Variants in TNIK observed in about 807,000 individuals in gnomAD.
TNIK encodes TRAF2 and NCK-interacting protein kinase.
A neutral mutation model predicts 191.3 loss-of-function variants in TNIK; 49 were observed. The ratio of observed to expected loss-of-function variants is 0.26; its 90% CI spans 0.20 to 0.32. The LOEUF (loss-of-function observed/expected upper bound fraction) is 0.32, where lower values mean the gene tolerates loss of function less well. TNIK is among the 10% of genes least tolerant of loss of function. TNIK has a pLI of 1.00. For missense variants in TNIK, 1,155 were observed against 1,702.3 expected (o/e 0.68, Z 5.66); for synonymous variants, 594 against 600.9 (o/e 0.99, Z 0.17).
Position 171,366,434 on chromosome 3 carries a change from T to C in TNIK, c.123+3186A>G, listed in dbSNP as rs1715729513. On this transcript the variant is annotated intron_variant, in intron 2 of 32. Coordinates refer to ENST00000436636, the MANE Select transcript of TNIK (RefSeq NM_015028.4). The surrounding 1 kb of genome is among the most constrained non-coding windows in gnomAD (Gnocchi z 4.1). ...ATGGCTTTTATATAAAATATTTATA[T>C]TTCTATATCTAGATGTACCTGACTC... 6.6e-6 allele frequency among the ~76,000 whole-genome samples: 1 copy of C among 152,140 alleles called. No homozygotes were observed. The highest frequency in any genetic ancestry group is 2.4e-5 in the African/African-American group (1 of 41,442).
At chr3:171,128,253 T>TAC (rs1728749450) in intron 16 of TNIK, among the ~76,000 whole-genome samples, 1 of 152,216 alleles carries the variant, frequency 6.6e-6, no homozygotes, top group Non-Finnish European at 1.5e-5. Context: ...TCCAGTGATT[T>TAC]ACACTTTGAG....
At chr3:171,452,962 C>G (rs1447860608) in intron 1 of TNIK, among the ~76,000 whole-genome samples, 1 of 152,092 alleles carries the variant, frequency 6.6e-6, no homozygotes, top group East Asian at 1.9e-4. Flanking sequence ...TGGAATTGTA[C>G]TCTACATAAA....
At chr3:171,145,445 T>C (rs542430273) in intron 12 of TNIK, among the ~76,000 whole-genome samples, 2 of 152,188 alleles carry the variant, frequency 1.3e-5, no homozygotes, top group South Asian at 2.1e-4. Context: ...AGTGGTGGGA[T>C]TGCTGGATCT....
chr3:171,170,036 A>G (rs1019345389), intron 9 of TNIK, among the ~76,000 whole-genome samples: 3 of 152,240 alleles, frequency 2.0e-5, no homozygotes, highest in East Asian at 1.9e-4. Flanking sequence ...GAGTGAAAAC[A>G]CTTCACCTAT....
At chr3:171,161,202 G>C in intron 11 of TNIK, 68 bp downstream of exon 11, 1 of 1,519,090 alleles carries the variant, frequency 6.6e-7, no homozygotes, top group Non-Finnish European at 9.0e-7. Flanking sequence ...AAATCAAAAG[G>C]AAAGTGAATT....
chr3:171,302,716 AG>A (rs1349620627), intron 2 of TNIK, among the ~76,000 whole-genome samples: 1 of 152,254 alleles, frequency 6.6e-6, no homozygotes, highest in Non-Finnish European at 1.5e-5. Context: ...ATAATGTTTT[AG>A]TATCTAAAGA....
Position 171,140,385 on chromosome 3 carries a change from G to C in TNIK, c.1332+14C>G. The stretch of plus-strand genomic sequence containing the variant: ...CCGGGGGGCCATCAGTGGGGCTCCT[G>C]GTCCCAGCTGTACCTGTTCATGCTC... On this transcript the variant is annotated intron_variant, in intron 13 of 32. Coordinates refer to ENST00000436636, the MANE Select transcript of TNIK (RefSeq NM_015028.4). 1.3e-6 allele frequency: 2 copies of C among 1,539,366 alleles called. No homozygotes were observed. Among genetic ancestry groups the C allele is most frequent in the Non-Finnish European group, 1.7e-6 (2 of 1,144,054 alleles).
chr3:171,351,267 A>ATGTGTGTGTG (rs1161906508), intron 2 of TNIK, among the ~76,000 whole-genome samples: 1 of 45,886 alleles, frequency 2.2e-5, no homozygotes, highest in South Asian at 1.0e-3. Context: ...ATATATATGT[A>ATGTGTGTGTG]TATATGTGTG....
At position 171,128,862 on chromosome 3, in the gene TNIK, C is replaced by T. The variant is rs1378270696; in HGVS notation, c.1625G>A (p.Arg542Lys). 7.1e-6 allele frequency: 11 copies of T among 1,542,576 alleles called. No homozygotes were observed. Among genetic ancestry groups the T allele is most frequent in the Admixed American group, 4.0e-5 (2 of 49,424 alleles). The change falls in exon 16 of 33, where the codon AGG (arginine) becomes AAG (lysine). Residue 542 changes from arginine (R) to lysine (K), a missense_variant. Arg to Lys is a conservative substitution (Grantham distance 26). Around this residue, in one of 3 missense-constraint regions of TNIK, gnomAD observed 735 missense variants for 848.0 expected, o/e 0.87. Coordinates refer to ENST00000436636, the MANE Select transcript of TNIK (RefSeq NM_015028.4). ...AWAKEVEERS[R>K]LNRQSSPAMP... ...GGCAGGGGAACTTTGCCGGTTGAGC[C>T]TTGACCGTTCTTCTACCTACAACCC...
At chr3:171,327,303 A>T (rs1755876404) in intron 2 of TNIK, among the ~76,000 whole-genome samples, 1 of 152,202 alleles carries the variant, frequency 6.6e-6, no homozygotes, top group Admixed American at 6.5e-5. Flanking sequence ...CAGGCAGTGC[A>T]CTATGGGTTA....
At chr3:171,365,472 G>A (rs747777940) in intron 2 of TNIK, among the ~76,000 whole-genome samples, 8 of 151,936 alleles carry the variant, frequency 5.3e-5, no homozygotes, top group Non-Finnish European at 1.0e-4. Context: ...GTGAGCCACC[G>A]CGCCCGGCCC....
intron 1 of TNIK, among the ~76,000 whole-genome samples, chr3:171,394,930 G>C (rs1182063506): frequency 3.3e-5 from 5 of 152,122 alleles, no homozygotes; most frequent in Non-Finnish European, 7.4e-5. Context: ...AGGGGGAGGA[G>C]AGAACATGTC....
At chr3:171,113,299 G>T (rs543166027) in intron 18 of TNIK, among the ~76,000 whole-genome samples, 6 of 152,092 alleles carry the variant, frequency 3.9e-5, no homozygotes, top group African/African-American at 1.4e-4. Flanking sequence ...ACGATTTTTG[G>T]ATAATTATTA....
intron 17 of TNIK, among the ~76,000 whole-genome samples, chr3:171,125,157 T>A (rs1307836322): frequency 6.6e-6 from 1 of 152,228 alleles, no homozygotes; most frequent in Admixed American, 6.5e-5. Context: ...TCTATGCTAA[T>A]CTCAGGAAAA....
chr3:171,369,296 T>C (rs1716169047), intron 2 of TNIK, among the ~76,000 whole-genome samples: 1 of 152,198 alleles, frequency 6.6e-6, no homozygotes, highest in African/African-American at 2.4e-5. Context: ...TAGATGGCAT[T>C]CTTTTCTCTT....
intron 11 of TNIK, among the ~76,000 whole-genome samples, chr3:171,160,773 T>G (rs1733886220): frequency 6.6e-6 from 1 of 152,164 alleles, no homozygotes; most frequent in Non-Finnish European, 1.5e-5. Context: ...GGAGTTCATC[T>G]CTACATATAA....
intron 1 of TNIK, among the ~76,000 whole-genome samples, chr3:171,385,953 C>G (rs1718671732): frequency 6.6e-6 from 1 of 152,124 alleles, no homozygotes; most frequent in Non-Finnish European, 1.5e-5. Context: ...TGTTTGAGGC[C>G]TCACTTCTCC....
At position 171,254,901 on chromosome 3, in the gene TNIK, C is replaced by T. The variant is rs13065875; in HGVS notation, c.124-26680G>A. ...ACAGTTTTTGAATAAGCAAGATAAA[C>T]GTTATAATTTGGAGTATGGTAATGG... On this transcript the variant is annotated intron_variant, in intron 2 of 32. Transcript: ENST00000436636. Among the ~76,000 whole-genome samples the T allele has an allele frequency of 2.6e-3, 390 of 152,100 alleles. 3 individuals are homozygous for T. The highest frequency in any genetic ancestry group is 0.02 in the Middle Eastern group (6 of 294).
intron 9 of TNIK, among the ~76,000 whole-genome samples, chr3:171,173,406 A>AAAAAG (rs1179398676): frequency 2.5e-4 from 38 of 150,750 alleles, no homozygotes; most frequent in African/African-American, 8.8e-4. Context: ...AAAAAAAAAA[A>AAAAAG]AAAAGAAAAG....
Sources: allele counts gnomAD v4.1 joint callset (sites outside exome capture counted in the v4.1 genomes callset), GRCh38; gene constraint gnomAD v4.1.1; regional missense constraint gnomAD v4.1.1; non-coding constraint Gnocchi (gnomAD v3.1); transcripts MANE v1.5; gene names NCBI Gene and HGNC (gene_info 2026-07-23, HGNC 2026-07-21).